Variants in GRID1 observed in about 807,000 individuals in gnomAD.
The protein encoded by GRID1 is glutamate ionotropic receptor delta type subunit 1.
Under a neutral mutation model 98.0 loss-of-function variants are expected in GRID1, and 28 were observed. The observed-to-expected ratio is 0.29, with a 90% CI of 0.21 to 0.39. The LOEUF is 0.39. Among genes scored for constraint, GRID1 ranks in the 10% least tolerant of loss-of-function variants. GRID1 has a pLI of 1.00. For synonymous variants in GRID1, 553 were observed against 538.5 expected, an observed-to-expected ratio of 1.03 and a Z score of -0.37; for missense variants, 1,111 against 1,340.5, an observed-to-expected ratio of 0.83 and a Z score of 2.67.
At chr10:86,115,781 G>A (rs1844567412) in intron 4 of GRID1, among the ~76,000 whole-genome samples, 2 of 152,206 alleles carry the variant, frequency 1.3e-5, no homozygotes, top group African/African-American at 2.4e-5. Flanking sequence ...GAGCCTGCTG[G>A]TCTATTACCT....
intron 8 of GRID1, among the ~76,000 whole-genome samples, chr10:85,839,428 A>G (rs557870161): frequency 6.6e-6 from 1 of 152,340 alleles, no homozygotes; most frequent in South Asian, 2.1e-4. Context: ...AACCAAAATT[A>G]TAACAGTCTC....
At chr10:85,697,856 C>G (rs868849984) in intron 12 of GRID1, among the ~76,000 whole-genome samples, 7 of 152,116 alleles carry the variant, frequency 4.6e-5, no homozygotes, top group Non-Finnish European at 1.0e-4. Flanking sequence ...TAGTCATATA[C>G]GGATTCTGAT....
intron 4 of GRID1, among the ~76,000 whole-genome samples, chr10:86,053,493 G>A (rs577124683): frequency 6.6e-6 from 1 of 152,106 alleles, no homozygotes; most frequent in South Asian, 2.1e-4. Flanking sequence ...TGAGTAGCTG[G>A]GACTATAGGC....
chr10:85,869,557 G>A (rs1256489532), intron 5 of GRID1, among the ~76,000 whole-genome samples: 2 of 152,100 alleles, frequency 1.3e-5, no homozygotes, highest in African/African-American at 2.4e-5. Flanking sequence ...GGAAAGCTGG[G>A]TTTCTCTGCC....
intron 4 of GRID1, among the ~76,000 whole-genome samples, chr10:86,050,461 AT>A (rs1843485762): frequency 6.6e-6 from 1 of 152,344 alleles, no homozygotes; most frequent in East Asian, 1.9e-4. Flanking sequence ...AGAAATGCTG[AT>A]CCACTTCTGG....
intron 4 of GRID1, among the ~76,000 whole-genome samples, chr10:85,992,301 C>G (rs1346854784): frequency 1.1e-4 from 16 of 152,102 alleles, no homozygotes; most frequent in Admixed American, 1.0e-3. Context: ...TACAGCAACA[C>G]TCAGCACTCA....
At chr10:86,014,855 C>T (rs888236403) in intron 4 of GRID1, among the ~76,000 whole-genome samples, 1 of 152,152 alleles carries the variant, frequency 6.6e-6, no homozygotes, top group Admixed American at 6.5e-5. Flanking sequence ...ACATTCTATT[C>T]GAGCCCCATT....
chr10:85,756,257 T>C (rs747644362), intron 8 of GRID1, among the ~76,000 whole-genome samples: 1 of 152,192 alleles, frequency 6.6e-6, no homozygotes, highest in Non-Finnish European at 1.5e-5. Flanking sequence ...TCTTTTTCCT[T>C]CTTCACAATT....
At chr10:86,363,740 G>T (rs1352835042) in intron 2 of GRID1, among the ~76,000 whole-genome samples, 1 of 152,346 alleles carries the variant, frequency 6.6e-6, no homozygotes, top group East Asian at 1.9e-4. Context: ...CAGGCTCTCC[G>T]TGCCGGCCCG....
intron 8 of GRID1, among the ~76,000 whole-genome samples, chr10:85,825,236 G>A (rs1358170987): frequency 6.6e-6 from 1 of 152,200 alleles, no homozygotes; most frequent in African/African-American, 2.4e-5. Flanking sequence ...CATTCTGGCT[G>A]GGGTAAGGTG....
rs1356977903 is a variant in GRID1, at chr10:86,346,264, C to T, written c.235+17677G>A. On this transcript the variant is annotated intron_variant, in intron 2 of 15. Transcript: ENST00000327946. ...ACCTTACACCCCTTAAGAAGGCTCA[C>T]GTTTCTTCTTGGACCACCACCACCT... Among the ~76,000 whole-genome samples, 3 of 152,236 alleles carry T rather than the reference C, an allele frequency of 2.0e-5. 1 individual carries two copies. Among genetic ancestry groups the T allele is most frequent in the South Asian group, 4.1e-4 (2 of 4,834 alleles).
intron 12 of GRID1, among the ~76,000 whole-genome samples, chr10:85,651,391 T>C (rs975170075): frequency 2.0e-5 from 3 of 152,208 alleles, no homozygotes; most frequent in South Asian, 2.1e-4. Context: ...CAGGCTCATG[T>C]GATTGGAGCC....
At chr10:86,238,796 G>A (rs1222976684) in intron 2 of GRID1, among the ~76,000 whole-genome samples, 3 of 151,880 alleles carry the variant, frequency 2.0e-5, no homozygotes, top group African/African-American at 4.8e-5. Context: ...TGTGCGAGTT[G>A]AGGCTTGGGA....
intron 2 of GRID1, among the ~76,000 whole-genome samples, chr10:86,248,563 CTTT>C (rs200060771): frequency 1.6e-5 from 2 of 121,852 alleles, no homozygotes; most frequent in South Asian, 2.7e-4. Context: ...CATGACAATT[CTTT>C]TTTTTTTTTT....
intron 12 of GRID1, among the ~76,000 whole-genome samples, chr10:85,720,231 G>T (rs1006550709): frequency 3.3e-5 from 5 of 152,048 alleles, no homozygotes; most frequent in African/African-American, 1.2e-4. Context: ...TTAATTAATT[G>T]TGTTCTGTTA....
intron 2 of GRID1, among the ~76,000 whole-genome samples, chr10:86,238,473 C>T (rs1177629008): frequency 1.3e-5 from 2 of 152,046 alleles, no homozygotes; most frequent in Non-Finnish European, 2.9e-5. Flanking sequence ...CATCCTGCCC[C>T]CCGTCTCTAC....
At position 85,702,866 on chromosome 10, in the gene GRID1, G is replaced by T. The variant is rs182476623; in HGVS notation, c.1997+20137C>A. Among the ~76,000 whole-genome samples, 262 of 151,464 alleles carry T rather than the reference G, an allele frequency of 1.7e-3. 1 individual carries two copies. The highest frequency in any genetic ancestry group is 3.1e-3 in the Non-Finnish European group (212 of 67,812). ...GCATGTGGTAAGTGAGAAGAAAAAA[G>T]GGGAGGAGAAGGAGAAGGAAAAGAG... On this transcript the variant is annotated intron_variant, in intron 12 of 15. Coordinates refer to ENST00000327946, the MANE Select transcript of GRID1 (RefSeq NM_017551.3).
chr10:85,950,138 C>T (rs1220343056), intron 4 of GRID1, among the ~76,000 whole-genome samples: 3 of 152,120 alleles, frequency 2.0e-5, no homozygotes, highest in African/African-American at 2.4e-5. Flanking sequence ...CTTCCTTTTA[C>T]TTTCATGGAA....
chr10:85,958,115 C>T (rs963122376), intron 4 of GRID1, among the ~76,000 whole-genome samples: 4 of 152,254 alleles, frequency 2.6e-5, no homozygotes, highest in African/African-American at 9.6e-5. Context: ...CCTCTGACCC[C>T]TGCTGGGTCA....
Sources: gnomAD v4.1 joint callset for allele counts (sites outside exome capture counted in the v4.1 genomes callset) on GRCh38, gnomAD v4.1.1 for gene constraint, MANE v1.5 for transcripts, NCBI Gene and HGNC (gene_info 2026-07-23, HGNC 2026-07-21) for gene names.